Variants in NEK10 observed in about 807,000 individuals in gnomAD.
The protein encoded by NEK10 is NIMA related kinase 10.
Under a neutral mutation model 159.8 loss-of-function variants are expected in NEK10, and 122 were observed. That is an observed-to-expected ratio of 0.76 (90% CI 0.66 to 0.89). The LOEUF is 0.89. Ranked by LOEUF, NEK10 falls within the 40% of genes least tolerant of loss-of-function variation. The probability of loss-of-function intolerance (pLI) is 0.00; values close to 1 mark genes in which losing one functional copy is unlikely to be tolerated. For missense variants in NEK10, 1,342 were observed against 1,323.1 expected (o/e 1.01, Z -0.22); for synonymous variants, 466 against 457.1 (o/e 1.02, Z -0.25).
intron 22 of NEK10, among the ~76,000 whole-genome samples, chr3:27,275,058 T>C (rs1439347033): frequency 2.6e-5 from 4 of 152,150 alleles, no homozygotes; most frequent in Admixed American, 2.6e-4. Context: ...TAAACCTCAA[T>C]TATGAGGTTA....
chr3:27,162,883 G>A (rs1475198113), intron 29 of NEK10, 145 bp from the exon 30 acceptor site: 1 of 1,029,042 alleles, frequency 9.7e-7, no homozygotes, highest in African/African-American at 1.6e-5. Flanking sequence ...TAATTAAGAG[G>A]GAAATAAATA....
chr3:27,353,934 G>A (rs2048149922), intron 1 of NEK10, among the ~76,000 whole-genome samples: 1 of 152,062 alleles, frequency 6.6e-6, no homozygotes, highest in Non-Finnish European at 1.5e-5. Context: ...GGGAGAGAAG[G>A]GGAGGTAAAA....
intron 30 of NEK10, among the ~76,000 whole-genome samples, chr3:27,152,494 C>A (rs188349914): frequency 1.3e-5 from 2 of 152,166 alleles, no homozygotes; most frequent in Non-Finnish European, 2.9e-5. Context: ...CTAAAAGGAG[C>A]TCTAAATCTT....
chr3:27,356,409 C>G (rs993079479), intron 1 of NEK10, among the ~76,000 whole-genome samples: 1 of 152,130 alleles, frequency 6.6e-6, no homozygotes. Context: ...CTTCAAGAAG[C>G]TGAGGCAAGA....
intron 26 of NEK10, among the ~76,000 whole-genome samples, chr3:27,190,594 T>C (rs1209511337): frequency 6.6e-6 from 1 of 152,212 alleles, no homozygotes; most frequent in Non-Finnish European, 1.5e-5. Flanking sequence ...GATTGTAAAC[T>C]AATGCCACTC....
chr3:27,210,610 C>T (rs547820776), intron 23 of NEK10, among the ~76,000 whole-genome samples: 3 of 152,274 alleles, frequency 2.0e-5, no homozygotes, highest in East Asian at 1.9e-4. Context: ...ATTCCTTCTG[C>T]GACTTCTGGA....
chr3:27,205,754 C>G (rs1950491562), intron 23 of NEK10, among the ~76,000 whole-genome samples: 1 of 130,376 alleles, frequency 7.7e-6, no homozygotes, highest in African/African-American at 3.1e-5. Flanking sequence ...CCATAAAAAC[C>G]CTAGAAGAAA....
intron 31 of NEK10, among the ~76,000 whole-genome samples, chr3:27,132,831 A>G (rs1942778445): frequency 6.6e-6 from 1 of 152,198 alleles, no homozygotes; most frequent in African/African-American, 2.4e-5. Context: ...GAAGGGAGAG[A>G]AAGAGGAACC....
chr3:27,265,495 G>A (rs2040811997), intron 22 of NEK10: 1 of 152,148 alleles, frequency 6.6e-6, no homozygotes, highest in Non-Finnish European at 1.5e-5. Flanking sequence ...TGATATCTCA[G>A]TATAGTTTTG....
At chr3:27,229,190 A>G (rs1952960819) in intron 23 of NEK10, among the ~76,000 whole-genome samples, 1 of 152,174 alleles carries the variant, frequency 6.6e-6, no homozygotes, top group Non-Finnish European at 1.5e-5. Flanking sequence ...CCACACACCA[A>G]ACACATAATT....
Position 27,280,939 on chromosome 3 carries a change from A to G in NEK10, c.2014+3663T>C, listed in dbSNP as rs9873863. On this transcript the variant is annotated intron_variant, in intron 22 of 35. Coordinates refer to ENST00000691995, the MANE Select transcript of NEK10 (RefSeq NM_001394966.1). ...TGTGTGTGTGTGTGTGTGTGTGTGT[A>G]TATGTATATGCATATATATATATAC... Among the ~76,000 whole-genome samples the G allele has an allele frequency of 7.4e-3, 946 of 127,330 alleles. 4 individuals are homozygous for G. The highest frequency in any genetic ancestry group is 0.015 in the African/African-American group (375 of 24,804). The allele number at this position is 127,330 out of a possible 152,430, so 83.5% of individuals were successfully genotyped here.
At chr3:27,186,109 C>A (rs1948595690) in intron 26 of NEK10, among the ~76,000 whole-genome samples, 1 of 152,156 alleles carries the variant, frequency 6.6e-6, no homozygotes, top group Non-Finnish European at 1.5e-5. Flanking sequence ...ACCTGTTAGA[C>A]ATGCAGGTGA....
chr3:27,342,198 T>C (rs963958459), intron 5 of NEK10, among the ~76,000 whole-genome samples: 3 of 152,088 alleles, frequency 2.0e-5, no homozygotes, highest in African/African-American at 4.8e-5. Flanking sequence ...GTTTATCAAA[T>C]TGAATCTAAG....
At chr3:27,340,684 T>G (rs2047139493) in intron 5 of NEK10, among the ~76,000 whole-genome samples, 1 of 152,094 alleles carries the variant, frequency 6.6e-6, no homozygotes, top group African/African-American at 2.4e-5. Flanking sequence ...TTAGAACAGC[T>G]ATGATTAAAA....
chr3:27,127,151 C>T (rs966863412), intron 32 of NEK10, among the ~76,000 whole-genome samples: 2 of 152,140 alleles, frequency 1.3e-5, no homozygotes, highest in Admixed American at 6.6e-5. Flanking sequence ...TCATTTAAAT[C>T]TCCCCCACTT....
At position 27,301,804 on chromosome 3, in the gene NEK10, T is replaced by A. The variant is rs774672954; in HGVS notation, c.1060A>T (p.Ile354Phe). The change falls in exon 13 of 36, where the codon ATT (isoleucine) becomes TTT (phenylalanine). Residue 354 changes from isoleucine to phenylalanine, a missense_variant. By Grantham distance (21) the Ile-to-Phe change is conservative (BLOSUM62 0). Coordinates refer to ENST00000691995, the MANE Select transcript of NEK10 (RefSeq NM_001394966.1). ...DRNFVSDHSSIGSLSSANAAG... is the reference protein window; with the variant it reads ...DRNFVSDHSSFGSLSSANAAG... ...GCATTTGCACTGGACAGGCTTCCAA[T>A]GGAGGAGTGATCAGAAACAAAATTT... is the stretch of plus-strand genomic sequence containing the variant. 1.9e-6 allele frequency: 3 copies of A among 1,554,120 alleles called. No homozygotes were observed. Among genetic ancestry groups the A allele is most frequent in the South Asian group, 2.4e-5 (2 of 84,230 alleles).
rs192100602 is a variant in NEK10 at position 27,214,660 on chromosome 3, G to A, written c.2091-12103C>T. Among the ~76,000 whole-genome samples the A allele has an allele frequency of 2.0e-4, 30 of 152,086 alleles. No individual in the cohort carries two copies. In the East Asian group the frequency reaches 5.0e-3, roughly 25 times the overall value. ...GACTTGGTTTCGAATACATAACCAG[G>A]TGCTGGAGTTTAAAGCATTACTGAT... On this transcript the variant is annotated intron_variant, in intron 23 of 35. Transcript: ENST00000691995.
intron 19 of NEK10, 54 bp downstream of exon 19, chr3:27,290,563 T>C (rs2042925117): frequency 1.5e-6 from 2 of 1,339,972 alleles, no homozygotes; most frequent in Non-Finnish European, 2.1e-6. Context: ...CTCTACTTTC[T>C]TGCAATGACA....
intron 22 of NEK10, among the ~76,000 whole-genome samples, chr3:27,273,072 A>C (rs908344219): frequency 1.3e-5 from 2 of 152,162 alleles, no homozygotes; most frequent in African/African-American, 4.8e-5. Context: ...AGGTAAGAGG[A>C]GAAAGTGAAG....
Sources: gnomAD v4.1 joint callset for allele counts (sites outside exome capture counted in the v4.1 genomes callset) on GRCh38, gnomAD v4.1.1 for gene constraint, MANE v1.5 for transcripts, NCBI Gene and HGNC (gene_info 2026-07-23, HGNC 2026-07-21) for gene names.